RAPGEF1: variants seen among roughly 807,000 people sequenced by gnomAD.
RAPGEF1 encodes CRK SH3-binding GNRP.
RAPGEF1 carries 33 observed loss-of-function variants against 143.3 expected under a neutral mutation model. The ratio of observed to expected loss-of-function variants is 0.23; its 90% CI spans 0.17 to 0.31. RAPGEF1 has a LOEUF of 0.31. Among genes scored for constraint, RAPGEF1 ranks in the 10% least tolerant of loss-of-function variants. RAPGEF1 has a pLI of 1.00. For missense variants in RAPGEF1, 1,199 were observed against 1,645.4 expected (o/e 0.73, Z 4.69); for synonymous variants, 629 against 676.5 (o/e 0.93, Z 1.09).
At chr9:131,630,422 T>G (rs1387684871) in intron 5 of RAPGEF1, 98 bp from the exon 6 acceptor site, 1 of 1,180,612 alleles carries the variant, frequency 8.5e-7, no homozygotes, top group South Asian at 1.3e-5. Flanking sequence ...CTGCTGAGTC[T>G]CATTTCTGTG....
chr9:131,581,537 C>CA (rs201580375), intron 25 of RAPGEF1, among the ~76,000 whole-genome samples: 33,812 of 145,790 alleles, frequency 0.23, 4,042 homozygotes, highest in Non-Finnish European at 0.29. Context: ...AAAAAAAATA[C>CA]AAAAAAAAAA....
intron 1 of RAPGEF1, among the ~76,000 whole-genome samples, chr9:131,661,356 TATATAAA>T (rs1263429277): frequency 3.9e-5 from 6 of 152,220 alleles, no homozygotes; most frequent in African/African-American, 1.4e-4. Flanking sequence ...CGATTCCATT[TATATAAA>T]TGCAAAAACA....
At chr9:131,689,460 A>G (rs1337544765) in intron 1 of RAPGEF1, among the ~76,000 whole-genome samples, 1 of 152,226 alleles carries the variant, frequency 6.6e-6, no homozygotes, top group Non-Finnish European at 1.5e-5. Context: ...AAGCATGACT[A>G]AATTAGGTGA....
Position 131,584,350 on chromosome 9 carries a change from C to T in RAPGEF1, c.3375G>A (p.Ala1125=), listed in dbSNP as rs757845663. 3.1e-6 allele frequency: 5 copies of T among 1,613,390 alleles called. No homozygotes were observed. The highest frequency in any genetic ancestry group is 1.7e-5 in the Admixed American group (1 of 59,916). Residue 1125 remains alanine, a synonymous_variant, in exon 24 of 27, where the codon GCG becomes GCA. Transcript: ENST00000683357. The surrounding 1 kb of genome is among the most constrained non-coding windows in gnomAD (Gnocchi z 6.8). ...TCTGCCACTCCAGCCTGCGGATGGG[C>T]GCCGAGTCCAGGGCAGAGAGGATGG... ...YLAILSALDS[A]PIRRLEWQKQ...
chr9:131,616,051 G>A (rs1958952335), intron 12 of RAPGEF1, among the ~76,000 whole-genome samples: 1 of 152,160 alleles, frequency 6.6e-6, no homozygotes, highest in Admixed American at 6.5e-5. Flanking sequence ...CAGATCACCT[G>A]AGGTCAGGAG....
At chr9:131,648,160 C>T (rs561491874) in intron 3 of RAPGEF1, among the ~76,000 whole-genome samples, 1 of 152,100 alleles carries the variant, frequency 6.6e-6, no homozygotes, top group Non-Finnish European at 1.5e-5. Context: ...GAGGATGAGG[C>T]GGGCAGATCA....
Position 131,650,987 on chromosome 9 carries a change from G to A in RAPGEF1, c.62-38C>T, listed in dbSNP as rs1176230616. On this transcript the variant is annotated intron_variant, in intron 1 of 26. Coordinates refer to ENST00000683357, the MANE Select transcript of RAPGEF1 (RefSeq NM_001377935.1). This position sits in a 1 kb window ranked among gnomAD's most constrained non-coding sequence, Gnocchi z 4.7. ...AGGGTACTGACTGTTAGATGGGAGT[G>A]GGAAGAAGCGATGGTTCATTGACCT... 4 of 1,600,674 alleles carry A rather than the reference G, an allele frequency of 2.5e-6. No individual in the cohort carries two copies. The highest frequency in any genetic ancestry group is 1.3e-5 in the African/African-American group (1 of 74,346).
chr9:131,649,086 G>C (rs536654824), intron 3 of RAPGEF1, among the ~76,000 whole-genome samples: 12 of 152,138 alleles, frequency 7.9e-5, no homozygotes, highest in African/African-American at 2.9e-4. Flanking sequence ...AGGCTGGAGT[G>C]CAGTGGTGTG....
chr9:131,598,088 C>T (rs78835532), intron 16 of RAPGEF1, 111 bp downstream of exon 16: 85,370 of 928,460 alleles, frequency 0.092, 4,415 homozygotes, highest in Middle Eastern at 0.23. Flanking sequence ...AAGACTTGGT[C>T]TCTAAGCCTC....
At chr9:131,737,431 G>A (rs1420180583) in intron 1 of RAPGEF1, 8 of 1,613,702 alleles carry the variant, frequency 5.0e-6, no homozygotes, top group African/African-American at 2.7e-5. Flanking sequence ...ACGGTCGCTC[G>A]GTCTGGCAGC....
chr9:131,737,927 C>T (rs1837527065), intron 1 of RAPGEF1, among the ~76,000 whole-genome samples: 1 of 151,192 alleles, frequency 6.6e-6, no homozygotes. Flanking sequence ...GAGATCGCAC[C>T]ACTGCACTCC....
At chr9:131,582,505 C>A in intron 25 of RAPGEF1, 100 bp downstream of exon 25, 1 of 860,882 alleles carries the variant, frequency 1.2e-6, no homozygotes. Flanking sequence ...CGTTAGAAAC[C>A]CCTAAATTAA....
chr9:131,615,735 T>G (rs985303943), intron 12 of RAPGEF1, among the ~76,000 whole-genome samples: 1 of 152,176 alleles, frequency 6.6e-6, no homozygotes, highest in Non-Finnish European at 1.5e-5. Flanking sequence ...TGGCAGGTCC[T>G]TCTGTTTGGA....
In RAPGEF1 at chr9:131,628,329, G is replaced by A. The variant is rs1335510026; in HGVS notation, c.1017+220C>T. Among the ~76,000 whole-genome samples, 2 of 152,214 alleles carry A rather than the reference G, an allele frequency of 1.3e-5. No individual in the cohort carries two copies. The highest frequency in any genetic ancestry group is 1.5e-5 in the Non-Finnish European group (1 of 68,024). ...GGGCTGGACTCACCTATCCCCAGGA[G>A]ACGCCCTTTGGCTCTGCCCTCCCTG... On this transcript the variant is annotated intron_variant, in intron 8 of 26. Coordinates refer to ENST00000683357, the MANE Select transcript of RAPGEF1 (RefSeq NM_001377935.1). This position sits in a 1 kb window ranked among gnomAD's most constrained non-coding sequence, Gnocchi z 5.7.
intron 1 of RAPGEF1, among the ~76,000 whole-genome samples, chr9:131,673,220 AG>A (rs1831693873): frequency 6.6e-6 from 1 of 152,256 alleles, no homozygotes; most frequent in African/African-American, 2.4e-5. Flanking sequence ...TGCAATCAGA[AG>A]AAAGCAAATC....
At chr9:131,615,838 C>T (rs893406945) in intron 12 of RAPGEF1, among the ~76,000 whole-genome samples, 3 of 152,200 alleles carry the variant, frequency 2.0e-5, no homozygotes, top group Admixed American at 6.5e-5. Context: ...CCCCCACGAC[C>T]CTGTCCTTGC....
At chr9:131,595,733 A>G (rs1273602681) in intron 17 of RAPGEF1, among the ~76,000 whole-genome samples, 1 of 152,048 alleles carries the variant, frequency 6.6e-6, no homozygotes, top group East Asian at 1.9e-4. Context: ...CGTTTTAGGG[A>G]TTAGGGGACG....
At chr9:131,602,215 G>A in intron 14 of RAPGEF1, 66 bp from the exon 15 acceptor site, 1 of 1,240,612 alleles carries the variant, frequency 8.1e-7, no homozygotes, top group Non-Finnish European at 1.1e-6. Context: ...TGTCTTCCCA[G>A]CATTCCTGCC....
intron 10 of RAPGEF1, 113 bp from the exon 11 acceptor site, chr9:131,622,111 G>A (rs1364976088): frequency 1.8e-5 from 19 of 1,036,666 alleles, no homozygotes; most frequent in Non-Finnish European, 2.7e-5. Flanking sequence ...GCACCTCAGA[G>A]AGGGACGAAC....
Sources: allele counts gnomAD v4.1 joint callset (sites outside exome capture counted in the v4.1 genomes callset), GRCh38; gene constraint gnomAD v4.1.1; non-coding constraint Gnocchi (gnomAD v3.1); transcripts MANE v1.5; gene names NCBI Gene and HGNC (gene_info 2026-07-23, HGNC 2026-07-21).